DENND6A: variants seen among roughly 807,000 people sequenced by gnomAD.
DENND6A encodes the protein protein DENND6A.
DENND6A carries 43 observed loss-of-function variants against 95.5 expected under a neutral mutation model. That is an observed-to-expected ratio of 0.45 (90% confidence interval 0.35 to 0.58). The LOEUF is 0.58. Among genes scored for constraint, DENND6A ranks in the 20% least tolerant of loss-of-function variants. The pLI is 0.00. For missense variants in DENND6A, 574 were observed against 736.0 expected (o/e 0.78, Z 2.55); for synonymous variants, 257 against 260.4 (o/e 0.99, Z 0.13).
At chr3:57,631,287 C>G (rs535888297) in intron 15 of DENND6A, 56 of 220,836 alleles carry the variant, frequency 2.5e-4, no homozygotes, top group Middle Eastern at 3.2e-3. Flanking sequence ...ACCTCTGCCC[C>G]CCGGGTTCAA....
intron 9 of DENND6A, among the ~76,000 whole-genome samples, chr3:57,650,201 G>A (rs747705925): frequency 3.3e-5 from 5 of 151,750 alleles, no homozygotes; most frequent in Admixed American, 1.3e-4. Flanking sequence ...TACATTCCTC[G>A]TGTGATGGGT....
intron 9 of DENND6A, among the ~76,000 whole-genome samples, chr3:57,655,562 C>T (rs2071307963): frequency 1.3e-5 from 2 of 152,092 alleles, no homozygotes; most frequent in Admixed American, 1.3e-4. Flanking sequence ...TACTTATGAC[C>T]TCAAGGTAAG....
chr3:57,636,457 G>A (rs73084483), intron 12 of DENND6A, among the ~76,000 whole-genome samples: 19,409 of 152,066 alleles, frequency 0.13, 1,352 homozygotes, highest in South Asian at 0.21. Context: ...CTAATTACCC[G>A]TATCAATGAG....
At chr3:57,669,797 G>T (rs921813734) in intron 3 of DENND6A, among the ~76,000 whole-genome samples, 1 of 151,394 alleles carries the variant, frequency 6.6e-6, no homozygotes, top group Admixed American at 6.6e-5. Flanking sequence ...TGAGGCAGGC[G>T]AATCACTTGA....
chr3:57,689,236 A>C (rs1053458176), intron 1 of DENND6A, among the ~76,000 whole-genome samples: 1 of 151,940 alleles, frequency 6.6e-6, no homozygotes, highest in Admixed American at 6.6e-5. Flanking sequence ...TACAGGCATG[A>C]GCCGCCATGC....
chr3:57,629,094 T>G (rs1468672692), intron 18 of DENND6A, among the ~76,000 whole-genome samples: 2 of 152,214 alleles, frequency 1.3e-5, no homozygotes, highest in Admixed American at 1.3e-4. Flanking sequence ...AATAATTGTC[T>G]CATATTTGGA....
intron 1 of DENND6A, among the ~76,000 whole-genome samples, chr3:57,681,920 T>C (rs987087808): frequency 2.0e-5 from 3 of 152,120 alleles, no homozygotes; most frequent in Non-Finnish European, 4.4e-5. Context: ...AGGTGTTAGT[T>C]GCACATCCTG....
intron 1 of DENND6A, among the ~76,000 whole-genome samples, chr3:57,685,247 T>C (rs771213558): frequency 4.6e-5 from 7 of 152,118 alleles, no homozygotes; most frequent in Non-Finnish European, 1.0e-4. Flanking sequence ...ATATGAGTTA[T>C]ATCTATCAAC....
At chr3:57,667,573 T>C (rs2071544034) in intron 3 of DENND6A, among the ~76,000 whole-genome samples, 1 of 152,184 alleles carries the variant, frequency 6.6e-6, no homozygotes, top group Non-Finnish European at 1.5e-5. Flanking sequence ...CCTCAGCTTA[T>C]ATAGTCACTC....
intron 1 of DENND6A, among the ~76,000 whole-genome samples, chr3:57,689,484 C>T (rs1489646225): frequency 1.3e-5 from 2 of 152,114 alleles, no homozygotes; most frequent in Non-Finnish European, 2.9e-5. Flanking sequence ...GCCTCCAGAG[C>T]CACTTCAGGG....
At chr3:57,642,566 T>A (rs2070970060) in intron 11 of DENND6A, among the ~76,000 whole-genome samples, 1 of 152,020 alleles carries the variant, frequency 6.6e-6, no homozygotes, top group African/African-American at 2.4e-5. Context: ...GCAGAAAGGA[T>A]GAATAGTCAG....
At chr3:57,679,559 G>GAAA (rs1257448220) in intron 1 of DENND6A, 1 of 985,304 alleles carries the variant, frequency 1.0e-6, no homozygotes, top group Non-Finnish European at 1.2e-6. Context: ...GGGAAGGATG[G>GAAA]AAAGTACAGT....
intron 18 of DENND6A, 91 bp from the exon 19 acceptor site, chr3:57,628,976 C>A: frequency 8.7e-7 from 1 of 1,155,928 alleles, no homozygotes; most frequent in Non-Finnish European, 1.2e-6. Flanking sequence ...GAAGGAAAGA[C>A]AAGAAGGAAA....
At chr3:57,648,651 A>G (rs748181355) in intron 9 of DENND6A, among the ~76,000 whole-genome samples, 22 of 152,344 alleles carry the variant, frequency 1.4e-4, no homozygotes, top group Middle Eastern at 6.8e-3. Flanking sequence ...ACAGCATGGT[A>G]CTGGTATAAA....
chr3:57,688,168 ATTTTT>A (rs896734639), intron 1 of DENND6A, among the ~76,000 whole-genome samples: 3 of 151,444 alleles, frequency 2.0e-5, no homozygotes, highest in African/African-American at 7.3e-5. Context: ...CTATTTTTGT[ATTTTT>A]TTATTAGAGA....
At position 57,634,579 on chromosome 3, in the gene DENND6A, C is replaced by A; in HGVS notation, c.1242G>T (p.Glu414Asp). Residue 414 changes from glutamate to aspartate, a missense_variant, in exon 14 of 20, where the codon GAG becomes GAT. By Grantham distance (45) the Glu-to-Asp change is conservative. This residue lies in a region of DENND6A where 452 missense variants were observed against 630.9 expected (regional missense o/e 0.72). Transcript: ENST00000311128. Reference sequence around the variant, plus strand: ...TTACCTTCTGTAATTGTTTTATGATCTCTTCATCTCTATTTAAATATGGCT... The same window carrying A: ...TTACCTTCTGTAATTGTTTTATGATATCTTCATCTCTATTTAAATATGGCT... ...SYKPYLNRDE[E>D]IIKQLQKGVQ... The A allele has an allele frequency of 7.1e-7, 1 of 1,413,638 alleles. No homozygotes were observed. The highest frequency in any genetic ancestry group is 1.5e-5 in the South Asian group (1 of 65,058). The allele number at this position is 1,413,638 out of a possible 1,614,324, so 87.6% of individuals were successfully genotyped here.
chr3:57,661,688 G>C, intron 5 of DENND6A, 137 bp from the exon 6 acceptor site: 1 of 638,486 alleles, frequency 1.6e-6, no homozygotes, highest in Non-Finnish European at 2.6e-6. Flanking sequence ...TAGTTAAAAG[G>C]AAACAAAACC....
chr3:57,688,684 A>G (rs2153417674), intron 1 of DENND6A, among the ~76,000 whole-genome samples: 1 of 59,380 alleles, frequency 1.7e-5, no homozygotes, highest in South Asian at 9.6e-4. Flanking sequence ...GACCAAAGAC[A>G]AAAAAAAACA....
intron 9 of DENND6A, among the ~76,000 whole-genome samples, chr3:57,653,439 C>T (rs2071251284): frequency 6.6e-6 from 1 of 152,094 alleles, no homozygotes. Context: ...GGAAACTTCT[C>T]TCGAACTAAA....
Sources: allele counts gnomAD v4.1 joint callset (sites outside exome capture counted in the v4.1 genomes callset), GRCh38; gene constraint gnomAD v4.1.1; regional missense constraint gnomAD v4.1.1; transcripts MANE v1.5; gene names NCBI Gene and HGNC (gene_info 2026-07-23, HGNC 2026-07-21).